TPST1: variants seen among roughly 807,000 people sequenced by gnomAD.
TPST1 encodes the protein tyrosylprotein sulfotransferase 1, also known as protein-tyrosine sulfotransferase 1.
In TPST1, 20 loss-of-function variants were observed where a neutral mutation model predicts 34.8. The observed-to-expected ratio is 0.57, with a 90% CI of 0.40 to 0.84. TPST1 has a LOEUF of 0.84. TPST1 is among the 40% of genes least tolerant of loss of function. The pLI is 0.00. For missense variants in TPST1, 353 were observed against 455.5 expected, an observed-to-expected ratio of 0.78 and a Z score of 2.05; for synonymous variants, 152 against 159.4, an observed-to-expected ratio of 0.95 and a Z score of 0.35.
chr7:66,221,497 G>A (rs1309629071), intron 1 of TPST1: 2 of 152,206 alleles, frequency 1.3e-5, no homozygotes, highest in Non-Finnish European at 2.9e-5. Context: ...TTTAGTGTTC[G>A]TTGAGTGTAA....
At chr7:66,355,123 A>AT (rs1792557148) in intron 4 of TPST1, among the ~76,000 whole-genome samples, 1 of 152,190 alleles carries the variant, frequency 6.6e-6, no homozygotes, top group Admixed American at 6.5e-5. Context: ...TGTTTATGTA[A>AT]TAAAAATCAT....
chr7:66,251,925 TTGA>T (rs1790270640), intron 2 of TPST1, among the ~76,000 whole-genome samples: 1 of 152,176 alleles, frequency 6.6e-6, no homozygotes, highest in African/African-American at 2.4e-5. Context: ...ATTTTTACTA[TTGA>T]TGAACATTTG....
chr7:66,223,458 C>CAAA lies in TPST1; in HGVS notation c.-101-16845_-101-16843dup, dbSNP rs34400889. ...TGGGTGACAGAGTAAGACCCTGTCT[C>CAAA]AAAAAAAAAAAAAAAAAAAAAAAAG... On this transcript the variant is annotated intron_variant, in intron 1 of 5. Transcript: ENST00000304842. Among the ~76,000 whole-genome samples the CAAA allele has an allele frequency of 4.2e-3, 251 of 59,076 alleles. 3 individuals are homozygous for CAAA. Among genetic ancestry groups the CAAA allele is most frequent in the East Asian group, 9.1e-3 (18 of 1,978 alleles). 38.8% of individuals were successfully genotyped at this position (59,076 alleles called of 152,430 possible).
intron 3 of TPST1, among the ~76,000 whole-genome samples, chr7:66,304,921 G>A (rs375606686): frequency 6.6e-6 from 1 of 151,756 alleles, no homozygotes. Flanking sequence ...GGGCCCAAGC[G>A]ATCCGCCTGC....
chr7:66,274,895 G>A (rs555146992), intron 2 of TPST1, among the ~76,000 whole-genome samples: 4 of 152,108 alleles, frequency 2.6e-5, no homozygotes, highest in African/African-American at 9.6e-5. Context: ...TGTTAGAATG[G>A]CTATTATAAA....
At chr7:66,292,863 C>A (rs1055260394) in intron 3 of TPST1, among the ~76,000 whole-genome samples, 1 of 151,954 alleles carries the variant, frequency 6.6e-6, no homozygotes, top group Admixed American at 6.6e-5. Flanking sequence ...TGTTCCTATT[C>A]GGCCATCTTG....
chr7:66,260,293 T>G (rs546231357), intron 2 of TPST1, among the ~76,000 whole-genome samples: 23 of 152,366 alleles, frequency 1.5e-4, no homozygotes, highest in African/African-American at 4.8e-4. Flanking sequence ...TCAAGGTGAT[T>G]TTATACAATA....
chr7:66,209,564 A>G (rs1231284335), intron 1 of TPST1, among the ~76,000 whole-genome samples: 1 of 152,106 alleles, frequency 6.6e-6, no homozygotes, highest in Non-Finnish European at 1.5e-5. Flanking sequence ...ACATGCCTAA[A>G]TGGCTTTATG....
intron 3 of TPST1, among the ~76,000 whole-genome samples, chr7:66,316,014 G>A (rs1188239512): frequency 6.6e-6 from 1 of 151,830 alleles, no homozygotes; most frequent in Admixed American, 6.6e-5. Flanking sequence ...GGAGGCTGAG[G>A]CAGGAGAATC....
chr7:66,332,029 T>C lies in TPST1; in HGVS notation c.1045-20476T>C, dbSNP rs1021830868. Among the ~76,000 whole-genome samples the C allele has an allele frequency of 6.6e-6, 1 of 152,156 alleles. No individual in the cohort carries two copies. The highest frequency in any genetic ancestry group is 1.5e-5 in the Non-Finnish European group (1 of 68,038). ...CAGGGCTTCTACTGATTCTGCAATA[T>C]AGTGAGTTGTGTAATAATTTCACTA... On this transcript the variant is annotated intron_variant, in intron 3 of 5. Transcript: ENST00000304842. The surrounding 1 kb of genome is among the most constrained non-coding windows in gnomAD (Gnocchi z 4.5).
chr7:66,235,272 G>A (rs1335326176), intron 1 of TPST1, among the ~76,000 whole-genome samples: 18 of 145,980 alleles, frequency 1.2e-4, no homozygotes, highest in African/African-American at 4.3e-4. Context: ...TGCAAGCTCC[G>A]CCTCCCGGGT....
intron 3 of TPST1, among the ~76,000 whole-genome samples, chr7:66,348,270 C>G (rs1267531234): frequency 6.6e-6 from 1 of 152,196 alleles, no homozygotes; most frequent in African/African-American, 2.4e-5. Context: ...ACAGTCTAAA[C>G]AGAGCAACTA....
At chr7:66,216,302 T>C (rs1482016239) in intron 1 of TPST1, among the ~76,000 whole-genome samples, 2 of 25,932 alleles carry the variant, frequency 7.7e-5, no homozygotes, top group Admixed American at 3.3e-4. Flanking sequence ...TTGAGTCTTC[T>C]CTCTTTTGTT....
At chr7:66,241,319 T>C (rs778797729) in intron 2 of TPST1, 49 bp downstream of exon 2, 2 of 1,551,198 alleles carry the variant, frequency 1.3e-6, no homozygotes, top group East Asian at 4.5e-5. Context: ...TAGCTAATAA[T>C]GATCTATACA....
chr7:66,257,930 A>C (rs959112295), intron 2 of TPST1, among the ~76,000 whole-genome samples: 1 of 152,226 alleles, frequency 6.6e-6, no homozygotes, highest in African/African-American at 2.4e-5. Flanking sequence ...ACTTTCCTTA[A>C]TCATAAGCTA....
chr7:66,200,022 G>A, the TPST1 span, among the ~76,000 whole-genome samples: 5 of 152,276 alleles, frequency 3.3e-5, no homozygotes, highest in East Asian at 3.9e-4. Flanking sequence ...GAGCCACTGC[G>A]CGGGGCCTGT....
intron 3 of TPST1, among the ~76,000 whole-genome samples, chr7:66,319,328 C>G (rs1049253997): frequency 6.6e-6 from 1 of 152,104 alleles, no homozygotes; most frequent in African/African-American, 2.4e-5. Context: ...CTTTCTTCAT[C>G]TGTTTCATTT....
intron 1 of TPST1, among the ~76,000 whole-genome samples, chr7:66,238,943 T>C (rs1422092715): frequency 2.0e-5 from 3 of 152,220 alleles, no homozygotes; most frequent in African/African-American, 7.2e-5. Flanking sequence ...ATGTCTTTGG[T>C]CATAGTGTAC....
rs1158336674 is a variant in TPST1, at chr7:66,332,763, A to C, written c.1045-19742A>C. 6.6e-6 allele frequency among the ~76,000 whole-genome samples: 1 copy of C among 152,188 alleles called. No individual in the cohort carries two copies. The highest frequency in any genetic ancestry group is 1.5e-5 in the Non-Finnish European group (1 of 68,038). On this transcript the variant is annotated intron_variant, in intron 3 of 5. Transcript: ENST00000304842. This position sits in a 1 kb window ranked among gnomAD's most constrained non-coding sequence, Gnocchi z 4.5. ...GGATAACTATTTACATAGCATTTGC[A>C]TTGTATTAGGTGTTATAAGCAGTCT...
Sources: allele counts gnomAD v4.1 joint callset (sites outside exome capture counted in the v4.1 genomes callset), GRCh38; gene constraint gnomAD v4.1.1; non-coding constraint Gnocchi (gnomAD v3.1); transcripts MANE v1.5; gene names NCBI Gene and HGNC (gene_info 2026-07-23, HGNC 2026-07-21).